Variants in PPP2R3A observed in about 807,000 individuals in gnomAD.
PPP2R3A encodes serine/threonine-protein phosphatase 2A regulatory subunit B'' subunit alpha.
Under a neutral mutation model 106.9 loss-of-function variants are expected in PPP2R3A, and 80 were observed. That is an observed-to-expected ratio of 0.75 (90% CI 0.62 to 0.90). The LOEUF (loss-of-function observed/expected upper bound fraction) is 0.90, where lower values mean the gene tolerates loss of function less well. Among genes scored for constraint, PPP2R3A ranks in the 40% least tolerant of loss-of-function variants. The pLI is 0.00. For missense variants in PPP2R3A, 1,386 were observed against 1,350.4 expected (o/e 1.03, Z -0.41); for synonymous variants, 483 against 468.3 (o/e 1.03, Z -0.41).
intron 5 of PPP2R3A, among the ~76,000 whole-genome samples, chr3:136,051,502 G>A (rs1935685731): frequency 1.3e-5 from 2 of 152,074 alleles, no homozygotes; most frequent in African/African-American, 4.8e-5. Context: ...GGTAATTTTT[G>A]TGTTTTTAGT....
intron 3 of PPP2R3A, among the ~76,000 whole-genome samples, chr3:136,032,517 A>T (rs184960006): frequency 6.1e-4 from 87 of 143,212 alleles, no homozygotes; most frequent in South Asian, 3.1e-3. Context: ...TTAATTAATT[A>T]ATTTATTTAT....
At chr3:136,089,895 T>A (rs1937051349) in intron 9 of PPP2R3A, among the ~76,000 whole-genome samples, 1 of 152,164 alleles carries the variant, frequency 6.6e-6, no homozygotes. Flanking sequence ...CATTCTTGAT[T>A]TGGCTTTCAG....
intron 13 of PPP2R3A, among the ~76,000 whole-genome samples, chr3:136,114,415 T>C (rs983562945): frequency 6.6e-6 from 1 of 152,138 alleles, no homozygotes; most frequent in Non-Finnish European, 1.5e-5. Context: ...CCAGTGGTGC[T>C]TGGAATGCCA....
chr3:136,055,583 C>A, intron 5 of PPP2R3A: 1 of 1,403,246 alleles, frequency 7.1e-7, no homozygotes, highest in Non-Finnish European at 1.0e-6. Flanking sequence ...TCTTTCTCTG[C>A]AGTACTGTAT....
intron 1 of PPP2R3A, among the ~76,000 whole-genome samples, chr3:135,989,321 G>A (rs1358303085): frequency 6.6e-6 from 1 of 152,072 alleles, no homozygotes; most frequent in Non-Finnish European, 1.5e-5. Context: ...GCATAGTTTG[G>A]GAGCTCTGCC....
intron 13 of PPP2R3A, among the ~76,000 whole-genome samples, chr3:136,116,554 A>G (rs1237801573): frequency 6.6e-6 from 1 of 152,218 alleles, no homozygotes; most frequent in Non-Finnish European, 1.5e-5. Flanking sequence ...AATATTTACC[A>G]AGCAAATGGA....
At chr3:136,084,641 TACTC>T (rs1156345379) in intron 8 of PPP2R3A, among the ~76,000 whole-genome samples, 1 of 152,158 alleles carries the variant, frequency 6.6e-6, no homozygotes, top group Non-Finnish European at 1.5e-5. Flanking sequence ...AAGCCACAGA[TACTC>T]AATGCCAGCC....
intron 2 of PPP2R3A, among the ~76,000 whole-genome samples, chr3:136,024,549 C>A (rs923466097): frequency 2.0e-5 from 3 of 152,102 alleles, no homozygotes; most frequent in African/African-American, 7.2e-5. Context: ...CAAATAAAAT[C>A]TTTGGCAGCC....
intron 1 of PPP2R3A, among the ~76,000 whole-genome samples, chr3:135,988,314 A>G (rs9848322): frequency 0.23 from 34,971 of 151,310 alleles, 4,851 homozygotes; most frequent in Non-Finnish European, 0.32. Context: ...TCTGTTTTCT[A>G]TAAAACCCAC....
At chr3:136,054,662 T>C (rs1038436321) in intron 5 of PPP2R3A, among the ~76,000 whole-genome samples, 1 of 152,246 alleles carries the variant, frequency 6.6e-6, no homozygotes, top group Non-Finnish European at 1.5e-5. Context: ...AAAGGAATTA[T>C]AAATCAGTAG....
At chr3:136,048,442 G>T (rs1227426455) in intron 4 of PPP2R3A, among the ~76,000 whole-genome samples, 1 of 152,190 alleles carries the variant, frequency 6.6e-6, no homozygotes, top group African/African-American at 2.4e-5. Context: ...GGAAGCCGAG[G>T]CAGGCGGATC....
chr3:135,968,054 C>T (rs1420788202), intron 1 of PPP2R3A, among the ~76,000 whole-genome samples: 1 of 152,172 alleles, frequency 6.6e-6, no homozygotes, highest in Non-Finnish European at 1.5e-5. Flanking sequence ...AGACTGCTGC[C>T]TTAACACTAG....
intron 3 of PPP2R3A, among the ~76,000 whole-genome samples, chr3:136,027,934 T>C (rs1002916567): frequency 6.6e-6 from 1 of 152,164 alleles, no homozygotes; most frequent in African/African-American, 2.4e-5. Context: ...TGAGAAGGGT[T>C]CCCCTGCTTT....
rs1165665888 is a variant in PPP2R3A, at chr3:136,145,104, A to G, written c.3391A>G (p.Lys1131Glu). ...SPSEFGNKSN[K>E]ILSASLPEKC... ...CTCTGAATTTGGAAACAAAAGCAAT[A>G]AAATATTAAGTGCAAGCCTTCCAGA... is the stretch of plus-strand genomic sequence containing the variant. The change falls in exon 14 of 14, where the codon AAA becomes GAA. Residue 1131 changes from lysine (K) to glutamate (E), a missense_variant. By Grantham distance (56) the Lys-to-Glu change is moderately conservative. Transcript: ENST00000264977. 1 of 1,613,820 alleles carries G rather than the reference A, an allele frequency of 6.2e-7. No individual in the cohort carries two copies. The highest frequency in any genetic ancestry group is 8.5e-7 in the Non-Finnish European group (1 of 1,179,858).
At chr3:135,980,446 CA>C (rs35803634) in intron 1 of PPP2R3A, among the ~76,000 whole-genome samples, 38,253 of 136,708 alleles carry the variant, frequency 0.28, 5,360 homozygotes, top group Non-Finnish European at 0.34. Context: ...TAAAATGTTC[CA>C]AAAAAAAAAA....
intron 10 of PPP2R3A, among the ~76,000 whole-genome samples, chr3:136,097,835 A>T (rs917635540): frequency 1.3e-5 from 2 of 152,318 alleles, no homozygotes; most frequent in South Asian, 4.1e-4. Context: ...AAAAGTCCCA[A>T]CAGTGTAACA....
chr3:136,100,440 C>T (rs546637683), intron 10 of PPP2R3A, among the ~76,000 whole-genome samples: 1 of 151,884 alleles, frequency 6.6e-6, no homozygotes, highest in Admixed American at 6.6e-5. Flanking sequence ...TTTGGGAGGC[C>T]TAGGCGGGCA....
intron 1 of PPP2R3A, among the ~76,000 whole-genome samples, chr3:135,966,387 C>G (rs1311769133): frequency 6.6e-6 from 1 of 152,196 alleles, no homozygotes; most frequent in African/African-American, 2.4e-5. Flanking sequence ...GACGGGATTC[C>G]CGGCCCGCCA....
intron 13 of PPP2R3A, among the ~76,000 whole-genome samples, chr3:136,127,374 T>C (rs1254089684): frequency 6.6e-6 from 1 of 151,964 alleles, no homozygotes; most frequent in Non-Finnish European, 1.5e-5. Context: ...ACATACAAGC[T>C]TCAACAGCTG....
Sources: allele counts gnomAD v4.1 joint callset (sites outside exome capture counted in the v4.1 genomes callset), GRCh38; gene constraint gnomAD v4.1.1; transcripts MANE v1.5; gene names NCBI Gene and HGNC (gene_info 2026-07-23, HGNC 2026-07-21).